The following TMEM192 variants were observed in gnomAD, a reference collection of about 807,000 sequenced individuals.
TMEM192 encodes the protein transmembrane protein 192.
TMEM192 carries 20 observed loss-of-function variants against 26.7 expected under a neutral mutation model. The observed-to-expected ratio is 0.75, with a 90% CI of 0.53 to 1.09. The LOEUF (loss-of-function observed/expected upper bound fraction) is 1.09. Among genes scored for constraint, TMEM192 ranks in the 50% least tolerant of loss-of-function variants. The pLI, the probability that TMEM192 is intolerant of heterozygous loss-of-function variation, is 0.00. For missense variants in TMEM192, 304 were observed against 322.6 expected (o/e 0.94, Z 0.44); for synonymous variants, 124 against 121.0 (o/e 1.02, Z -0.16).
At chr4:165,104,397 T>A (rs1194684630) in intron 1 of TMEM192, among the ~76,000 whole-genome samples, 1 of 152,300 alleles carries the variant, frequency 6.6e-6, no homozygotes, top group East Asian at 1.9e-4. Context: ...ACAAATGATG[T>A]AAGAGATGGC....
intron 1 of TMEM192, among the ~76,000 whole-genome samples, chr4:165,103,471 A>C: frequency 7.2e-6 from 1 of 139,058 alleles, no homozygotes; most frequent in South Asian, 2.3e-4. Context: ...CAGCCTCCTG[A>C]GTAGCTGGGA....
intron 4 of TMEM192, 69 bp from the exon 5 acceptor site, chr4:165,085,757 G>A: frequency 8.5e-7 from 1 of 1,175,156 alleles, no homozygotes; most frequent in Non-Finnish European, 1.2e-6. Context: ...TTCAAATTAT[G>A]CTAATTTGCC....
chr4:165,085,405 T>G (rs1216422777), intron 5 of TMEM192, among the ~76,000 whole-genome samples, 181 bp downstream of exon 5: 1 of 152,176 alleles, frequency 6.6e-6, no homozygotes, highest in Non-Finnish European at 1.5e-5. Context: ...ATCAAATATA[T>G]GGCCTATTTA....
rs1250437470 is a variant in TMEM192 at position 165,077,935 on chromosome 4, T to A, written c.*1723A>T. On this transcript the variant is annotated 3_prime_UTR_variant, in exon 6 of 6. Coordinates refer to ENST00000306480, the MANE Select transcript of TMEM192 (RefSeq NM_001100389.2). ...TGTGTGCAGGTGACACACGATCTTT[T>A]TTTTTTTTTTTTGAGAGACAGTGTC... 3 of 151,040 alleles carry A rather than the reference T, an allele frequency of 2.0e-5. No homozygotes were observed. Among genetic ancestry groups the A allele is most frequent in the African/African-American group, 7.3e-5 (3 of 41,238 alleles). 9.4% of individuals were successfully genotyped at this position (151,040 alleles called of 1,614,324 possible).
At chr4:165,088,309 G>C (rs1734673490) in intron 4 of TMEM192, among the ~76,000 whole-genome samples, 159 bp downstream of exon 4, 1 of 152,190 alleles carries the variant, frequency 6.6e-6, no homozygotes, top group Admixed American at 6.5e-5. Flanking sequence ...CACTGGTGGT[G>C]GCTGTACCTT....
intron 1 of TMEM192, among the ~76,000 whole-genome samples, chr4:165,107,313 T>C (rs188950516): frequency 3.4e-5 from 5 of 146,290 alleles, no homozygotes; most frequent in Admixed American, 1.4e-4. Flanking sequence ...TGAACCACTG[T>C]ACCCAACCTT....
At position 165,110,125 on chromosome 4, in the gene TMEM192, T is replaced by C. The variant is rs182604298; in HGVS notation, c.27+2622A>G. ...CCATACAAACAGCACCCAGTCATTC[T>C]ATTAACTCACCATCTGCAAGTGAAG... On this transcript the variant is annotated intron_variant, in intron 1 of 5. Coordinates refer to ENST00000306480, the MANE Select transcript of TMEM192 (RefSeq NM_001100389.2). 8.0e-4 allele frequency among the ~76,000 whole-genome samples: 122 copies of C among 152,330 alleles called. 1 individual carries two copies. In the Middle Eastern group the frequency reaches 0.024, roughly 30 times the overall value.
At chr4:165,094,670 A>G (rs989055555) in intron 3 of TMEM192, among the ~76,000 whole-genome samples, 3 of 151,440 alleles carry the variant, frequency 2.0e-5, no homozygotes, top group Non-Finnish European at 4.4e-5. Context: ...AAAAAAAAAG[A>G]AAAGGAAAAA....
chr4:165,080,613 C>G (rs1734497988), intron 5 of TMEM192, among the ~76,000 whole-genome samples: 1 of 152,118 alleles, frequency 6.6e-6, no homozygotes, highest in Non-Finnish European at 1.5e-5. Context: ...AAAAATATCA[C>G]ATGGGAATGG....
At position 165,112,693 on chromosome 4, in the gene TMEM192, G is replaced by A. The variant is rs1375341301; in HGVS notation, c.27+54C>T. ...CTGAGTCTCCGCCCCGTGCGCCCCG[G>A]CACAAGAAAAAGCGGATTCCGGGGC... On this transcript the variant is annotated intron_variant, in intron 1 of 5. Transcript: ENST00000306480. 4 of 1,604,000 alleles carry A rather than the reference G, an allele frequency of 2.5e-6. No homozygotes were observed. The East Asian group carries it at 6.7e-5, about 27-fold the overall frequency.
rs116093980 is a variant in TMEM192 at position 165,109,657 on chromosome 4, A to T, written c.27+3090T>A. The stretch of plus-strand genomic sequence containing the variant: ...TGGGATTACAGGCGTGAGCCACCGC[A>T]CCTGGCCAGACCTGGGACATTTAAA... On this transcript the variant is annotated intron_variant, in intron 1 of 5. Coordinates refer to ENST00000306480, the MANE Select transcript of TMEM192 (RefSeq NM_001100389.2). Among the ~76,000 whole-genome samples the T allele has an allele frequency of 7.4e-3, 1,126 of 152,290 alleles. 7 individuals are homozygous for T. The highest frequency in any genetic ancestry group is 0.029 in the South Asian group (139 of 4,822).
rs1336979222 is a variant in TMEM192 at position 165,078,493 on chromosome 4, T to G, written c.*1165A>C. 6.6e-6 allele frequency: 1 copy of G among 152,238 alleles called. No homozygotes were observed. Among genetic ancestry groups the G allele is most frequent in the Non-Finnish European group, 1.5e-5 (1 of 68,038 alleles). 9.4% of individuals were successfully genotyped at this position (152,238 alleles called of 1,614,324 possible). On this transcript the variant is annotated 3_prime_UTR_variant, in exon 6 of 6. Coordinates refer to ENST00000306480, the MANE Select transcript of TMEM192 (RefSeq NM_001100389.2). ...ATATGCATTTCTTCCATTACAATTT[T>G]TAAGTATAATCCAAGGCTTTAAAAG...
intron 5 of TMEM192, among the ~76,000 whole-genome samples, chr4:165,084,954 C>T (rs1325702616): frequency 2.0e-5 from 3 of 151,566 alleles, no homozygotes; most frequent in African/African-American, 7.3e-5. Flanking sequence ...CCAGCCTGGG[C>T]AATACAGAGA....
chr4:165,096,669 A>AAG (rs1734915283), intron 3 of TMEM192, among the ~76,000 whole-genome samples: 2 of 151,884 alleles, frequency 1.3e-5, no homozygotes, highest in Non-Finnish European at 2.9e-5. Flanking sequence ...ATTTTAAAAA[A>AAG]TAGAAATAAG....
chr4:165,102,888 A>C, intron 2 of TMEM192, 62 bp downstream of exon 2: 1 of 1,483,896 alleles, frequency 6.7e-7, no homozygotes. Context: ...GCCCTCTGAA[A>C]CACTTATATA....
At chr4:165,080,316 A>C (rs2111259352) in intron 5 of TMEM192, among the ~76,000 whole-genome samples, 1 of 152,258 alleles carries the variant, frequency 6.6e-6, no homozygotes, top group Admixed American at 6.5e-5. Context: ...AACAAACAAA[A>C]AAAATCTAAC....
Position 165,100,613 on chromosome 4 carries a change from G to A in TMEM192, c.439+15C>T, listed in dbSNP as rs1325310517. On this transcript the variant is annotated intron_variant, in intron 3 of 5. Transcript: ENST00000306480. ...CCCTCAAGCACCCAAGTAGCTGAGA[G>A]AAAATTGGACATACCAGAGGACTGT... The A allele has an allele frequency of 6.2e-7, 1 of 1,603,424 alleles. No individual in the cohort carries two copies. Among genetic ancestry groups the A allele is most frequent in the South Asian group, 1.1e-5 (1 of 89,158 alleles).
intron 5 of TMEM192, among the ~76,000 whole-genome samples, chr4:165,084,451 G>A (rs1316976362): frequency 6.6e-6 from 1 of 151,270 alleles, no homozygotes; most frequent in Non-Finnish European, 1.5e-5. Context: ...TACCCACCTC[G>A]GCCTCCGAAA....
At chr4:165,107,399 C>T (rs542694064) in intron 1 of TMEM192, among the ~76,000 whole-genome samples, 3 of 151,646 alleles carry the variant, frequency 2.0e-5, no homozygotes, top group South Asian at 2.1e-4. Context: ...AACAGTGGCA[C>T]GATCTCGGCT....
Sources: allele counts gnomAD v4.1 joint callset (sites outside exome capture counted in the v4.1 genomes callset), GRCh38; gene constraint gnomAD v4.1.1; transcripts MANE v1.5; gene names NCBI Gene and HGNC (gene_info 2026-07-23, HGNC 2026-07-21).